LINGO1: variants seen among roughly 807,000 people sequenced by gnomAD.
The protein encoded by LINGO1 is leucine rich repeat and Ig domain containing 1, also known as leucine-rich repeat and immunoglobulin-like domain-containing nogo receptor-interacting protein 1.
A neutral mutation model predicts 37.3 loss-of-function variants in LINGO1; 11 were observed. The observed-to-expected ratio is 0.29, with a 90% CI of 0.19 to 0.49. The LOEUF (loss-of-function observed/expected upper bound fraction) is 0.49, where lower values mean the gene tolerates loss of function less well. LINGO1 is among the 20% of genes least tolerant of loss of function. The pLI, the probability that LINGO1 is intolerant of heterozygous loss-of-function variation, is 0.99. For synonymous variants in LINGO1, 387 were observed against 403.0 expected (o/e 0.96, Z 0.48); for missense variants, 585 against 878.2 (o/e 0.67, Z 4.22).
chr15:77,633,369 CG>C (rs2074327076), upstream of LINGO1, among the ~76,000 whole-genome samples: 1 of 151,750 alleles, frequency 6.6e-6, no homozygotes. Flanking sequence ...CGCACGAGGA[CG>C]GACAGGGCTC....
chr15:77,755,282 C>T (rs1025470234), intron 1 of LINGO1, among the ~76,000 whole-genome samples: 1 of 152,224 alleles, frequency 6.6e-6, no homozygotes, highest in African/African-American at 2.4e-5. Context: ...CTCCCCAGGC[C>T]AGGCACAGAG....
upstream of LINGO1, among the ~76,000 whole-genome samples, chr15:77,637,331 T>G (rs2074415978): frequency 1.3e-5 from 2 of 152,242 alleles, no homozygotes; most frequent in Non-Finnish European, 2.9e-5. This position sits in a 1 kb window ranked among gnomAD's most constrained non-coding sequence, Gnocchi z 4.6. Context: ...CCCCGTTAAC[T>G]GGGGCATCCT....
Position 77,739,439 on chromosome 15 carries a change from C to T in LINGO1, c.-256-4386G>A, listed in dbSNP as rs191570461. Among the ~76,000 whole-genome samples, 422 of 152,340 alleles carry T rather than the reference C, an allele frequency of 2.8e-3. 3 individuals are homozygous for T. The highest frequency in any genetic ancestry group is 9.6e-3 in the African/African-American group (400 of 41,582). ...TTGGGGGCCTCAGGGGCTGCTTCCC[C>T]TCCCTCAGAAGCCCCTGGTCCTACT... is the stretch of plus-strand genomic sequence containing the variant. On this transcript the variant is annotated intron_variant, in intron 1 of 3. Coordinates refer to the LINGO1 transcript ENST00000561686.
chr15:77,811,228 C>T (rs1399665869), intron 1 of LINGO1, among the ~76,000 whole-genome samples: 1 of 152,212 alleles, frequency 6.6e-6, no homozygotes, highest in Non-Finnish European at 1.5e-5. Flanking sequence ...ATGGCCCAAG[C>T]CTGATAACAT....
At chr15:77,655,774 C>T (rs1175622388) in intron 3 of LINGO1, among the ~76,000 whole-genome samples, 1 of 152,190 alleles carries the variant, frequency 6.6e-6, no homozygotes, top group Non-Finnish European at 1.5e-5. Context: ...GGACACCCAG[C>T]CCCAGCTCCT....
At chr15:77,631,454 C>G (rs1015734442) in intron 1 of LINGO1, among the ~76,000 whole-genome samples, 7 of 152,212 alleles carry the variant, frequency 4.6e-5, no homozygotes, top group Admixed American at 1.3e-4. Context: ...CCAGCAGGAA[C>G]CGGGAGGGGC....
At chr15:77,765,135 C>T (rs1218637930) in intron 1 of LINGO1, among the ~76,000 whole-genome samples, 1 of 152,172 alleles carries the variant, frequency 6.6e-6, no homozygotes, top group Non-Finnish European at 1.5e-5. Context: ...GGAAAGCAGG[C>T]CTGGCATGGT....
At chr15:77,673,754 C>A (rs1057193164) in intron 3 of LINGO1, among the ~76,000 whole-genome samples, 1 of 152,112 alleles carries the variant, frequency 6.6e-6, no homozygotes, top group Non-Finnish European at 1.5e-5. Context: ...CCAGACCTGT[C>A]CCCTGGACTC....
rs555802504 is a variant in LINGO1 at position 77,639,892 on chromosome 15, C to T, written c.-12-23992G>A. On this transcript the variant is annotated intron_variant, in intron 3 of 3. Coordinates refer to the LINGO1 transcript ENST00000559893. ...GGGGAGGTGGCAGAGTCAGGCCTAT[C>T]CTGATCCCCACACTTTGAACCCCAC... Among the ~76,000 whole-genome samples the T allele has an allele frequency of 3.3e-4, 51 of 152,296 alleles. No individual in the cohort carries two copies. In the East Asian group the frequency reaches 8.3e-3, roughly 25 times the overall value.
upstream of LINGO1, among the ~76,000 whole-genome samples, chr15:77,790,163 T>C (rs761307450): frequency 3.8e-4 from 58 of 152,316 alleles, no homozygotes; most frequent in Admixed American, 5.9e-4. Flanking sequence ...TACTTAGCTA[T>C]AGCAGCCTAG....
chr15:77,753,284 G>A (rs1043004491), intron 1 of LINGO1, among the ~76,000 whole-genome samples: 1 of 152,210 alleles, frequency 6.6e-6, no homozygotes, highest in African/African-American at 2.4e-5. Flanking sequence ...CAGAGACCAG[G>A]GCTGTAGGTC....
chr15:77,664,164 T>TGC (rs1161696784), intron 3 of LINGO1, among the ~76,000 whole-genome samples: 5 of 107,898 alleles, frequency 4.6e-5, no homozygotes, highest in African/African-American at 1.7e-4. Flanking sequence ...TGTGTGTGTG[T>TGC]GTGTGTGCGC....
chr15:77,714,412 G>A (rs1213038907), intron 2 of LINGO1, among the ~76,000 whole-genome samples: 1 of 151,976 alleles, frequency 6.6e-6, no homozygotes, highest in African/African-American at 2.4e-5. Flanking sequence ...ACGGCCCCCT[G>A]CCCCTTGGAA....
chr15:77,660,044 A>C (rs567350127), intron 3 of LINGO1: 1 of 152,364 alleles, frequency 6.6e-6, no homozygotes, highest in East Asian at 1.9e-4. Flanking sequence ...ACTATGCTCC[A>C]GGAAGAGATC....
intron 1 of LINGO1, among the ~76,000 whole-genome samples, chr15:77,815,880 T>C (rs1175543086): frequency 2.0e-5 from 3 of 152,130 alleles, no homozygotes; most frequent in Non-Finnish European, 4.4e-5. Flanking sequence ...TCCTCTTCTG[T>C]CTGGTGCCAA....
intron 3 of LINGO1, among the ~76,000 whole-genome samples, chr15:77,660,551 G>A (rs983973353): frequency 6.6e-6 from 1 of 152,240 alleles, no homozygotes; most frequent in Non-Finnish European, 1.5e-5. Context: ...TACCAAGTGG[G>A]AGCAGGGATG....
At chr15:77,724,817 C>A (rs11853751) in intron 2 of LINGO1, among the ~76,000 whole-genome samples, 5 of 152,224 alleles carry the variant, frequency 3.3e-5, no homozygotes, top group Admixed American at 2.6e-4. Context: ...TGTTCAGGGG[C>A]TGAACCATGC....
At chr15:77,671,354 G>A (rs2075245627) in intron 3 of LINGO1, among the ~76,000 whole-genome samples, 2 of 152,186 alleles carry the variant, frequency 1.3e-5, no homozygotes, top group Admixed American at 1.3e-4. Context: ...GGGTGAGAAG[G>A]GAGGAAGGAG....
At chr15:77,800,846 GAA>G (rs2076912389) in intron 1 of LINGO1, among the ~76,000 whole-genome samples, 1 of 152,092 alleles carries the variant, frequency 6.6e-6, no homozygotes, top group East Asian at 1.9e-4. Flanking sequence ...AAAGACAAAA[GAA>G]GAGAAAAATT....
Sources: allele counts gnomAD v4.1 joint callset (sites outside exome capture counted in the v4.1 genomes callset), GRCh38; gene constraint gnomAD v4.1.1; non-coding constraint Gnocchi (gnomAD v3.1); transcripts MANE v1.5; gene names NCBI Gene and HGNC (gene_info 2026-07-23, HGNC 2026-07-21).